CPNE4: variants seen among roughly 807,000 people sequenced by gnomAD.
CPNE4 encodes copine-4.
A neutral mutation model predicts 67.9 loss-of-function variants in CPNE4; 25 were observed. That is an observed-to-expected ratio of 0.37 (90% CI 0.27 to 0.51). The LOEUF (loss-of-function observed/expected upper bound fraction) is 0.51. Among genes scored for constraint, CPNE4 ranks in the 20% least tolerant of loss-of-function variants. The pLI is 0.93. For synonymous variants in CPNE4, 242 were observed against 244.9 expected (o/e 0.99, Z 0.11); for missense variants, 464 against 690.8 (o/e 0.67, Z 3.68).
chr3:131,920,693 G>A (rs1364017909), intron 1 of CPNE4, among the ~76,000 whole-genome samples: 2 of 151,806 alleles, frequency 1.3e-5, no homozygotes, highest in Admixed American at 1.3e-4. Context: ...CAGGAACTAG[G>A]CCCTTAAAAT....
chr3:131,873,573 G>A (rs529121339), intron 2 of CPNE4, among the ~76,000 whole-genome samples: 9 of 152,308 alleles, frequency 5.9e-5, no homozygotes, highest in South Asian at 2.1e-4. Context: ...AAATTCTGTC[G>A]TATGAGAAAC....
chr3:131,826,392 C>G (rs1243611802), intron 2 of CPNE4, among the ~76,000 whole-genome samples: 1 of 151,986 alleles, frequency 6.6e-6, no homozygotes, highest in Non-Finnish European at 1.5e-5. Flanking sequence ...AAGATGGGGT[C>G]TCACTATATT....
chr3:131,904,342 T>C (rs1281538535), intron 2 of CPNE4, among the ~76,000 whole-genome samples: 1 of 152,090 alleles, frequency 6.6e-6, no homozygotes, highest in Non-Finnish European at 1.5e-5. Flanking sequence ...AGGATTCATC[T>C]TTCTCCAGTC....
chr3:131,631,212 C>A (rs1397645310), intron 7 of CPNE4, among the ~76,000 whole-genome samples: 1 of 152,146 alleles, frequency 6.6e-6, no homozygotes, highest in Non-Finnish European at 1.5e-5. Context: ...TTAATATAAT[C>A]ATTTTCTGAA....
At chr3:131,787,541 C>A (rs2083600479) in intron 2 of CPNE4, among the ~76,000 whole-genome samples, 1 of 152,134 alleles carries the variant, frequency 6.6e-6, no homozygotes, top group Non-Finnish European at 1.5e-5. Flanking sequence ...CCAAGGCAGA[C>A]CCTGATGGAT....
At chr3:131,604,769 T>C (rs1369729069) in intron 7 of CPNE4, among the ~76,000 whole-genome samples, 4 of 115,562 alleles carry the variant, frequency 3.5e-5, no homozygotes, top group Admixed American at 3.1e-4. Context: ...CTCCCCTTTA[T>C]ATATATATAT....
chr3:131,544,986 T>C (rs1368027957), intron 14 of CPNE4, among the ~76,000 whole-genome samples: 1 of 152,222 alleles, frequency 6.6e-6, no homozygotes, highest in Non-Finnish European at 1.5e-5. Context: ...TGAGAAACTT[T>C]AGAGTCGTAA....
In CPNE4 at chr3:131,669,750, G is replaced by A. The variant is rs199767055; in HGVS notation, c.606C>T (p.Asn202=). 6.2e-7 allele frequency: 1 copy of A among 1,613,590 alleles called. No homozygotes were observed. Among genetic ancestry groups the A allele is most frequent in the African/African-American group, 1.3e-5 (1 of 75,002 alleles). The change falls in exon 7 of 16, where the codon AAC becomes AAT. Residue 202 remains asparagine (N), a synonymous_variant. Transcript: ENST00000429747. ...TGAATGATTTCCAGGCTGGGCTTAA[G>A]TTATTCATCACAACCTGGGAAAAGA... ...LVHRTEVVMN[N]LSPAWKSFKV...
At chr3:131,997,271 GAAAC>G (rs1228656124) in intron 1 of CPNE4, among the ~76,000 whole-genome samples, 4 of 152,050 alleles carry the variant, frequency 2.6e-5, no homozygotes, top group Admixed American at 2.6e-4. Flanking sequence ...CCTAAACACA[GAAAC>G]AAATTTTGCA....
intron 2 of CPNE4, among the ~76,000 whole-genome samples, chr3:131,864,721 T>C (rs955586175): frequency 6.6e-6 from 1 of 152,034 alleles, no homozygotes; most frequent in Non-Finnish European, 1.5e-5. Context: ...TTGATTGCCC[T>C]GGCCAGAACT....
At chr3:131,751,621 C>T (rs2082626827) in intron 2 of CPNE4, among the ~76,000 whole-genome samples, 2 of 152,114 alleles carry the variant, frequency 1.3e-5, no homozygotes, top group Admixed American at 1.3e-4. Flanking sequence ...ATTTTAACAT[C>T]TCTGTCATCT....
intron 3 of CPNE4, among the ~76,000 whole-genome samples, chr3:131,708,758 A>C (rs1215181372): frequency 2.1e-5 from 3 of 144,902 alleles, no homozygotes; most frequent in African/African-American, 7.9e-5. Flanking sequence ...TAGAAGCTTC[A>C]AAAGAAAGTG....
chr3:131,561,946 T>C (rs1284862842), intron 11 of CPNE4, among the ~76,000 whole-genome samples: 1 of 152,044 alleles, frequency 6.6e-6, no homozygotes, highest in Admixed American at 6.6e-5. Flanking sequence ...CAATCCTCCT[T>C]CTTCTTCCTT....
intron 2 of CPNE4, among the ~76,000 whole-genome samples, chr3:131,816,444 G>A (rs1219268702): frequency 2.0e-5 from 3 of 152,166 alleles, no homozygotes; most frequent in African/African-American, 7.2e-5. Context: ...CATGAGAAGA[G>A]ATCAATCATT....
intron 6 of CPNE4, among the ~76,000 whole-genome samples, chr3:131,683,443 G>A (rs889100005): frequency 6.6e-6 from 1 of 152,158 alleles, no homozygotes; most frequent in Non-Finnish European, 1.5e-5. Context: ...CTGGAATGGG[G>A]ACCTCAGGAC....
intron 2 of CPNE4, among the ~76,000 whole-genome samples, chr3:131,795,327 C>T (rs1184459830): frequency 6.6e-6 from 1 of 152,146 alleles, no homozygotes; most frequent in African/African-American, 2.4e-5. Context: ...AAAATGAGAT[C>T]CCAAATCCAC....
intron 2 of CPNE4, among the ~76,000 whole-genome samples, chr3:131,835,240 G>C (rs544239058): frequency 2.0e-5 from 3 of 152,124 alleles, no homozygotes; most frequent in Non-Finnish European, 4.4e-5. Context: ...GAATAAAAAG[G>C]CCCAGGGGCC....
chr3:131,924,442 A>T (rs1241244678), intron 1 of CPNE4, among the ~76,000 whole-genome samples: 1 of 152,160 alleles, frequency 6.6e-6, no homozygotes, highest in African/African-American at 2.4e-5. Context: ...GAGTGAAAGG[A>T]TCTAGAATGT....
rs755589232 is a variant in CPNE4, at chr3:131,542,692, G to T, written c.1404C>A (p.Ile468=). Residue 468 remains isoleucine (I), a synonymous_variant, in exon 15 of 16, where the codon ATC becomes ATA. Coordinates refer to ENST00000429747, the MANE Select transcript of CPNE4 (RefSeq NM_130808.3). ...VHASHLPMSV[I]IVGVGNADFS... is the part of the protein sequence containing the mutation. Reference sequence around the variant, plus strand: ...AGTCAGCGTTCCCTACTCCCACGATGATGACTGACATGGGGAGGTGGGAGG... The same window carrying T: ...AGTCAGCGTTCCCTACTCCCACGATTATGACTGACATGGGGAGGTGGGAGG... 6.2e-7 allele frequency: 1 copy of T among 1,614,048 alleles called. No homozygotes were observed. The highest frequency in any genetic ancestry group is 1.1e-5 in the South Asian group (1 of 91,062).
Sources: allele counts gnomAD v4.1 joint callset (sites outside exome capture counted in the v4.1 genomes callset), GRCh38; gene constraint gnomAD v4.1.1; transcripts MANE v1.5; gene names NCBI Gene and HGNC (gene_info 2026-07-23, HGNC 2026-07-21).